Variants in ARHGEF38 observed in about 807,000 individuals in gnomAD.
ARHGEF38 encodes the protein Rho guanine nucleotide exchange factor 38, also known as Rho guanine nucleotide exchange factor (GEF) 38.
Under a neutral mutation model 79.9 loss-of-function variants are expected in ARHGEF38, and 79 were observed. That is an observed-to-expected ratio of 0.99 (90% CI 0.82 to 1.19). ARHGEF38 has a LOEUF of 1.19. ARHGEF38 is among the 50% of genes most tolerant of loss of function. The pLI is 0.00. For missense variants in ARHGEF38, 962 were observed against 907.2 expected, an observed-to-expected ratio of 1.06 and a Z score of -0.78; for synonymous variants, 366 against 328.3, an observed-to-expected ratio of 1.11 and a Z score of -1.24.
In ARHGEF38 at chr4:105,655,837, A is replaced by G. The variant is rs894658489; in HGVS notation, c.1233+115A>G. On this transcript the variant is annotated intron_variant, in intron 9 of 13. Transcript: ENST00000420470. The stretch of plus-strand genomic sequence containing the variant: ...TAAAACATGCACTAAAGCAAATATT[A>G]ATGTCAAAATTAGTAGATTTAAATG... The G allele has an allele frequency of 5.3e-6, 6 of 1,130,868 alleles. No individual in the cohort carries two copies. In the African/African-American group the frequency reaches 9.4e-5, roughly 18 times the overall value. The allele number at this position is 1,130,868 out of a possible 1,614,324, so 70.1% of individuals were successfully genotyped here. A position where few individuals can be genotyped will look rare whatever the true frequency, so the allele number is the denominator to read the frequency against.
At chr4:105,638,791 T>G (rs1729503409) in intron 5 of ARHGEF38, among the ~76,000 whole-genome samples, 1 of 152,164 alleles carries the variant, frequency 6.6e-6, no homozygotes, top group Admixed American at 6.6e-5. Context: ...AAATCCACAT[T>G]GTTTTATACT....
chr4:105,641,714 T>C (rs1729625467), intron 5 of ARHGEF38, among the ~76,000 whole-genome samples: 1 of 144,450 alleles, frequency 6.9e-6, no homozygotes, highest in Admixed American at 6.8e-5. Flanking sequence ...GCGCTGCATG[T>C]TGAATATCTA....
chr4:105,595,379 A>G (rs1453651256), intron 2 of ARHGEF38, among the ~76,000 whole-genome samples: 1 of 152,230 alleles, frequency 6.6e-6, no homozygotes, highest in Non-Finnish European at 1.5e-5. Context: ...TAAAATATAT[A>G]TAATTTTGTA....
In ARHGEF38 at chr4:105,679,813, A is replaced by G; in HGVS notation, c.*1876A>G. On this transcript the variant is annotated 3_prime_UTR_variant, in exon 14 of 14. Coordinates refer to ENST00000420470, the MANE Select transcript of ARHGEF38 (RefSeq NM_001242729.2). ...CAGCTTTACCCACGCATCCAGAGAG[A>G]TGGATATAGGACTCAATATCCTGAG... 1 of 1,186,828 alleles carries G rather than the reference A, an allele frequency of 8.4e-7. No homozygotes were observed. Among genetic ancestry groups the G allele is most frequent in the Non-Finnish European group, 1.3e-6 (1 of 797,046 alleles). 73.5% of individuals were successfully genotyped at this position (1,186,828 alleles called of 1,614,324 possible). A position where few individuals can be genotyped will look rare whatever the true frequency, so the allele number is the denominator to read the frequency against.
chr4:105,644,131 G>A (rs1729739798), intron 5 of ARHGEF38, among the ~76,000 whole-genome samples: 1 of 152,050 alleles, frequency 6.6e-6, no homozygotes, highest in East Asian at 1.9e-4. Flanking sequence ...GCCTCCCAAA[G>A]TGCTGGGATT....
chr4:105,598,690 A>T (rs1727692326), intron 2 of ARHGEF38, among the ~76,000 whole-genome samples: 1 of 151,978 alleles, frequency 6.6e-6, no homozygotes, highest in Non-Finnish European at 1.5e-5. Context: ...TTTTTAATCA[A>T]AGACTTGATT....
At chr4:105,554,309 C>G (rs957005898) in intron 1 of ARHGEF38, among the ~76,000 whole-genome samples, 1 of 152,134 alleles carries the variant, frequency 6.6e-6, no homozygotes, top group African/African-American at 2.4e-5. Flanking sequence ...CACCTGGGTA[C>G]TGAGCATAGT....
At chr4:105,586,874 A>G (rs928688695) in intron 1 of ARHGEF38, among the ~76,000 whole-genome samples, 6 of 151,886 alleles carry the variant, frequency 4.0e-5, no homozygotes, top group Non-Finnish European at 5.9e-5. Flanking sequence ...GGAGTAAAGG[A>G]CGTCCCTCAC....
chr4:105,576,336 G>A (rs1163432122), intron 1 of ARHGEF38, among the ~76,000 whole-genome samples: 1 of 149,828 alleles, frequency 6.7e-6, no homozygotes, highest in Non-Finnish European at 1.5e-5. Context: ...GCAGTGTTTT[G>A]TAGTTCTCTT....
chr4:105,632,029 C>T (rs1486032314), intron 4 of ARHGEF38, among the ~76,000 whole-genome samples: 2 of 152,100 alleles, frequency 1.3e-5, no homozygotes, highest in Non-Finnish European at 2.9e-5. Flanking sequence ...GAGGGATCCC[C>T]AACGGGGATG....
At chr4:105,606,786 A>G (rs1255848507) in intron 2 of ARHGEF38, among the ~76,000 whole-genome samples, 1 of 152,068 alleles carries the variant, frequency 6.6e-6, no homozygotes, top group African/African-American at 2.4e-5. Flanking sequence ...GAAGTATATA[A>G]TTTTTTGTAT....
intron 1 of ARHGEF38, among the ~76,000 whole-genome samples, chr4:105,561,419 A>AGAATGGAATGGAATGGAATG (rs1401158972): frequency 6.5e-5 from 3 of 46,046 alleles, no homozygotes; most frequent in South Asian, 8.1e-4. Flanking sequence ...AGAATAGAAT[A>AGAATGGAATGGAATGGAATG]GAATGGAATA....
intron 2 of ARHGEF38, among the ~76,000 whole-genome samples, chr4:105,603,995 T>C (rs1251781916): frequency 6.6e-6 from 1 of 152,176 alleles, no homozygotes; most frequent in East Asian, 1.9e-4. Flanking sequence ...TTTTGGTATG[T>C]TTACTATCTT....
At chr4:105,559,452 C>T (rs1012101458) in intron 1 of ARHGEF38, among the ~76,000 whole-genome samples, 5 of 152,002 alleles carry the variant, frequency 3.3e-5, no homozygotes, top group African/African-American at 9.7e-5. Context: ...CTACCAGGTT[C>T]CTCTGGGTGG....
chr4:105,589,823 G>A (rs1256953650), intron 2 of ARHGEF38, among the ~76,000 whole-genome samples: 4 of 151,980 alleles, frequency 2.6e-5, no homozygotes, highest in South Asian at 2.1e-4. Context: ...CCTGAGGTTC[G>A]GATTTCAAGA....
chr4:105,679,778 C>G lies in ARHGEF38; in HGVS notation c.*1841C>G. On this transcript the variant is annotated 3_prime_UTR_variant, in exon 14 of 14. Transcript: ENST00000420470. ...TGGTTGATAAAAACATATACAAACC[C>G]CTGTCTGTCCAGCTTTACCCACGCA... is the stretch of plus-strand genomic sequence containing the variant. 1.0e-6 allele frequency: 1 copy of G among 978,944 alleles called. No homozygotes were observed. Among genetic ancestry groups the G allele is most frequent in the Non-Finnish European group, 1.6e-6 (1 of 609,092 alleles). The allele number at this position is 978,944 out of a possible 1,614,324, so 60.6% of individuals were successfully genotyped here.
intron 5 of ARHGEF38, among the ~76,000 whole-genome samples, chr4:105,637,683 T>C (rs1200443424): frequency 1.3e-5 from 2 of 152,236 alleles, no homozygotes; most frequent in Middle Eastern, 3.4e-3. Context: ...TCTGCTTAGG[T>C]TTCCTTTTCT....
chr4:105,581,042 G>C (rs1279875972), intron 1 of ARHGEF38, among the ~76,000 whole-genome samples: 14 of 152,078 alleles, frequency 9.2e-5, no homozygotes, highest in Non-Finnish European at 1.6e-4. Context: ...CTGTAAGGAA[G>C]AAGCATTATT....
At chr4:105,656,213 C>T (rs1423271202) in intron 9 of ARHGEF38, among the ~76,000 whole-genome samples, 3 of 152,100 alleles carry the variant, frequency 2.0e-5, no homozygotes, top group Non-Finnish European at 4.4e-5. Flanking sequence ...CACCACCACA[C>T]CTAGAAGATT....
Sources: gnomAD v4.1 joint callset for allele counts (sites outside exome capture counted in the v4.1 genomes callset) on GRCh38, gnomAD v4.1.1 for gene constraint, MANE v1.5 for transcripts, NCBI Gene and HGNC (gene_info 2026-07-23, HGNC 2026-07-21) for gene names.